Variants in LHFPL3 observed in about 807,000 individuals in gnomAD.
The protein encoded by LHFPL3 is LHFPL tetraspan subfamily member 3 protein.
A neutral mutation model predicts 19.3 loss-of-function variants in LHFPL3; 5 were observed. The observed-to-expected ratio is 0.26, with a 90% CI of 0.14 to 0.54. The LOEUF is 0.54. Among genes scored for constraint, LHFPL3 ranks in the 20% least tolerant of loss-of-function variants. LHFPL3 has a pLI of 0.94. For synonymous variants in LHFPL3, 133 were observed against 126.2 expected (o/e 1.05, Z -0.36); for missense variants, 249 against 307.4 (o/e 0.81, Z 1.42).
intron 1 of LHFPL3, among the ~76,000 whole-genome samples, chr7:104,694,802 G>A (rs890170269): frequency 2.0e-5 from 3 of 152,204 alleles, no homozygotes; most frequent in African/African-American, 7.2e-5. Flanking sequence ...GACTGCAATT[G>A]GCAGCACAGC....
chr7:104,886,011 T>C (rs1385842846), intron 2 of LHFPL3, among the ~76,000 whole-genome samples: 1 of 152,190 alleles, frequency 6.6e-6, no homozygotes, highest in Admixed American at 6.5e-5. Context: ...AAAGTGTCCC[T>C]GACCACCTGC....
intron 1 of LHFPL3, among the ~76,000 whole-genome samples, chr7:104,494,289 G>A (rs927020062): frequency 3.3e-5 from 5 of 152,138 alleles, no homozygotes; most frequent in Admixed American, 1.3e-4. Flanking sequence ...TTCATGCCCT[G>A]AGCCATCTGG....
intron 1 of LHFPL3, among the ~76,000 whole-genome samples, chr7:104,585,907 A>C (rs916385892): frequency 5.3e-5 from 8 of 152,062 alleles, no homozygotes; most frequent in Non-Finnish European, 1.0e-4. Context: ...TAATGCGCAA[A>C]ATTTTCAAGA....
chr7:104,723,963 A>G (rs1272820504), intron 1 of LHFPL3, among the ~76,000 whole-genome samples: 2 of 152,116 alleles, frequency 1.3e-5, no homozygotes, highest in East Asian at 1.9e-4. Context: ...GTATACTGTA[A>G]TGTTTACTAT....
At chr7:104,372,001 G>C (rs1194563221) in intron 1 of LHFPL3, among the ~76,000 whole-genome samples, 1 of 152,224 alleles carries the variant, frequency 6.6e-6, no homozygotes, top group African/African-American at 2.4e-5. Flanking sequence ...CAGTTAATTA[G>C]TATTTCGTTT....
chr7:104,825,703 C>T (rs906805582), intron 2 of LHFPL3, among the ~76,000 whole-genome samples: 3 of 151,868 alleles, frequency 2.0e-5, no homozygotes, highest in Admixed American at 1.3e-4. Context: ...AAGGATGTCC[C>T]AGTTTCCAGC....
intron 1 of LHFPL3, among the ~76,000 whole-genome samples, chr7:104,583,120 C>T (rs576901245): frequency 1.3e-5 from 2 of 151,992 alleles, no homozygotes; most frequent in Non-Finnish European, 2.9e-5. Flanking sequence ...GAGATATAGA[C>T]CAATGGAACA....
At chr7:104,802,310 CA>C (rs1790267387) in intron 2 of LHFPL3, among the ~76,000 whole-genome samples, 1 of 151,846 alleles carries the variant, frequency 6.6e-6, no homozygotes, top group Non-Finnish European at 1.5e-5. Context: ...GACTGGGCAA[CA>C]TGGTGAAACC....
intron 1 of LHFPL3, among the ~76,000 whole-genome samples, chr7:104,666,870 TACC>T (rs1010534196): frequency 6.6e-6 from 1 of 152,150 alleles, no homozygotes; most frequent in Non-Finnish European, 1.5e-5. Context: ...TTTGTATATA[TACC>T]ACATTTTCTT....
At chr7:104,515,821 G>A (rs1272616585) in intron 1 of LHFPL3, among the ~76,000 whole-genome samples, 1 of 152,112 alleles carries the variant, frequency 6.6e-6, no homozygotes, top group East Asian at 1.9e-4. Flanking sequence ...GGCAATTTAA[G>A]TTGTTAGGTT....
rs1223072415 is a variant in LHFPL3 at position 104,743,888 on chromosome 7, G to A, written c.682+6977G>A. 2.0e-5 allele frequency among the ~76,000 whole-genome samples: 3 copies of A among 152,096 alleles called. No homozygotes were observed. In the South Asian group the frequency reaches 6.2e-4, roughly 32 times the overall value. On this transcript the variant is annotated intron_variant, in intron 2 of 2. Coordinates refer to ENST00000424859, the MANE Select transcript of LHFPL3 (RefSeq NM_199000.3). ...TCACGCTCACGCTGTCACCCAGGCT[G>A]GAATACAGTGGCATGATCACGGCTC...
At chr7:104,696,044 G>A (rs1011020605) in intron 1 of LHFPL3, among the ~76,000 whole-genome samples, 3 of 152,112 alleles carry the variant, frequency 2.0e-5, no homozygotes, top group African/African-American at 7.2e-5. Flanking sequence ...TCCGCCTCCT[G>A]GGTTCCAGCG....
intron 1 of LHFPL3, among the ~76,000 whole-genome samples, chr7:104,603,046 T>C (rs1790999366): frequency 6.6e-6 from 1 of 151,566 alleles, no homozygotes; most frequent in Non-Finnish European, 1.5e-5. Context: ...GATTAAGTTT[T>C]CTTTTTTTTC....
At chr7:104,451,831 G>A (rs941942766) in intron 1 of LHFPL3, among the ~76,000 whole-genome samples, 21 of 151,758 alleles carry the variant, frequency 1.4e-4, no homozygotes, top group African/African-American at 4.4e-4. Context: ...TGCAACCTCC[G>A]CCTCCAGGGT....
intron 2 of LHFPL3, among the ~76,000 whole-genome samples, chr7:104,830,738 T>C (rs1365477609): frequency 6.6e-6 from 1 of 151,896 alleles, no homozygotes. Context: ...TACTGTAGCC[T>C]TGTAGTATAG....
chr7:104,792,135 C>A (rs2116449788), intron 2 of LHFPL3, among the ~76,000 whole-genome samples: 1 of 152,348 alleles, frequency 6.6e-6, no homozygotes, highest in Non-Finnish European at 1.5e-5. Context: ...TTCTTTCCCA[C>A]TTTCTCTCCT....
intron 1 of LHFPL3, among the ~76,000 whole-genome samples, chr7:104,626,849 CT>C (rs1791554751): frequency 6.6e-6 from 1 of 152,100 alleles, no homozygotes; most frequent in Non-Finnish European, 1.5e-5. Context: ...GTCAACATCA[CT>C]TGTTATTATT....
At chr7:104,677,962 T>C (rs150395596) in intron 1 of LHFPL3, among the ~76,000 whole-genome samples, 2 of 152,324 alleles carry the variant, frequency 1.3e-5, no homozygotes, top group East Asian at 1.9e-4. Flanking sequence ...CTGTGGCAGA[T>C]AGGCCTGGAA....
At chr7:104,515,856 G>C (rs530663858) in intron 1 of LHFPL3, among the ~76,000 whole-genome samples, 18 of 152,022 alleles carry the variant, frequency 1.2e-4, no homozygotes, top group Non-Finnish European at 2.2e-4. Context: ...CAAGGATGAA[G>C]AGTTCTTCTA....
Sources: gnomAD v4.1 joint callset for allele counts (sites outside exome capture counted in the v4.1 genomes callset) on GRCh38, gnomAD v4.1.1 for gene constraint, MANE v1.5 for transcripts, NCBI Gene and HGNC (gene_info 2026-07-23, HGNC 2026-07-21) for gene names.